PTPRD: variants seen among roughly 807,000 people sequenced by gnomAD.
PTPRD encodes the protein protein tyrosine phosphatase receptor type D, also known as receptor-type tyrosine-protein phosphatase delta.
PTPRD carries 34 observed loss-of-function variants against 214.5 expected under a neutral mutation model. The ratio of observed to expected loss-of-function variants is 0.16; its 90% CI spans 0.12 to 0.21. PTPRD has a LOEUF of 0.21. PTPRD is among the 10% of genes least tolerant of loss of function. The pLI, the probability that PTPRD is intolerant of heterozygous loss-of-function variation, is 1.00. For synonymous variants in PTPRD, 1,128 were observed against 845.7 expected (o/e 1.33, Z -5.79); for missense variants, 2,545 against 2,398.7 (o/e 1.06, Z -1.27).
At chr9:9,300,766 A>G (rs2134720856) in intron 9 of PTPRD, among the ~76,000 whole-genome samples, 1 of 151,964 alleles carries the variant, frequency 6.6e-6, no homozygotes, top group East Asian at 1.9e-4. Context: ...GAACTGTGAA[A>G]AATAAATTTC....
At chr9:9,457,187 T>G (rs2093130037) in intron 8 of PTPRD, among the ~76,000 whole-genome samples, 1 of 151,950 alleles carries the variant, frequency 6.6e-6, no homozygotes, top group Non-Finnish European at 1.5e-5. Flanking sequence ...ACTTATTTAC[T>G]CTGTTACCCT....
intron 3 of PTPRD, among the ~76,000 whole-genome samples, chr9:10,222,761 T>C (rs2154350258): frequency 6.6e-6 from 1 of 152,172 alleles, no homozygotes; most frequent in South Asian, 2.1e-4. Flanking sequence ...TGTTCTTCAG[T>C]ATATGAAAAT....
chr9:9,001,447 G>A (rs1371646953), intron 11 of PTPRD, among the ~76,000 whole-genome samples: 1 of 152,034 alleles, frequency 6.6e-6, no homozygotes, highest in Non-Finnish European at 1.5e-5. Context: ...ACATAGCTCA[G>A]TTTTGCACAA....
intron 36 of PTPRD, among the ~76,000 whole-genome samples, chr9:8,401,272 C>G (rs373702136): frequency 1.8e-4 from 28 of 152,030 alleles, no homozygotes; most frequent in African/African-American, 6.3e-4. Flanking sequence ...TCAAGCAACC[C>G]TCCCACCTCA....
chr9:9,141,282 C>T (rs539145278), intron 10 of PTPRD, among the ~76,000 whole-genome samples: 1 of 150,138 alleles, frequency 6.7e-6, no homozygotes, highest in African/African-American at 2.5e-5. Flanking sequence ...TGAGGCACTA[C>T]AGACCCTAGG....
rs1350831422 is a variant in PTPRD at position 8,511,012 on chromosome 9, A to C, written c.1544-3578T>G. On this transcript the variant is annotated intron_variant, in intron 21 of 45. Transcript: ENST00000381196. Reference sequence around the variant, plus strand: ...ACATTTCTATTAATGTTTTCTCTCTATATATGTATTTATACATATAAATGT... The same window carrying C: ...ACATTTCTATTAATGTTTTCTCTCTCTATATGTATTTATACATATAAATGT... Among the ~76,000 whole-genome samples, 3 of 152,124 alleles carry C rather than the reference A, an allele frequency of 2.0e-5. 1 individual carries two copies. The East Asian group carries it at 5.8e-4, about 29-fold the overall frequency.
intron 5 of PTPRD, among the ~76,000 whole-genome samples, chr9:9,846,618 A>G (rs1185279724): frequency 6.6e-6 from 1 of 152,174 alleles, no homozygotes; most frequent in Non-Finnish European, 1.5e-5. Context: ...TAGGTGGACT[A>G]TGTCAAGGAG....
chr9:9,511,293 T>C (rs1277339716), intron 8 of PTPRD, among the ~76,000 whole-genome samples: 1 of 151,736 alleles, frequency 6.6e-6, no homozygotes, highest in Non-Finnish European at 1.5e-5. Flanking sequence ...ATTGACAAAT[T>C]GGTAACATGC....
At chr9:9,579,388 G>A (rs140307195) in intron 7 of PTPRD, among the ~76,000 whole-genome samples, 1 of 152,206 alleles carries the variant, frequency 6.6e-6, no homozygotes, top group African/African-American at 2.4e-5. Flanking sequence ...TATATCCAAG[G>A]ACAGAGAGCT....
chr9:9,939,005 C>CGAAAA (rs2090548458), intron 4 of PTPRD, among the ~76,000 whole-genome samples: 1 of 126,016 alleles, frequency 7.9e-6, no homozygotes, highest in African/African-American at 3.6e-5. Flanking sequence ...AATTCATTTT[C>CGAAAA]TGAATTCCTT....
intron 2 of PTPRD, among the ~76,000 whole-genome samples, chr9:10,380,360 T>C (rs896034649): frequency 6.6e-6 from 1 of 152,080 alleles, no homozygotes; most frequent in Non-Finnish European, 1.5e-5. Context: ...AATACAAATC[T>C]TAAGAATAAA....
intron 9 of PTPRD, among the ~76,000 whole-genome samples, chr9:9,344,091 T>C (rs2047879294): frequency 6.6e-6 from 1 of 152,158 alleles, no homozygotes; most frequent in African/African-American, 2.4e-5. Context: ...ATACATTAAC[T>C]CCAAAGATTA....
intron 5 of PTPRD, among the ~76,000 whole-genome samples, chr9:9,923,123 G>GTGTGT (rs1555340190): frequency 0.042 from 6,034 of 144,904 alleles, 147 homozygotes; most frequent in Middle Eastern, 0.065. Context: ...GTGTGTGGGG[G>GTGTGT]GTGTGTGTGT....
intron 11 of PTPRD, among the ~76,000 whole-genome samples, chr9:8,839,358 C>T (rs1449497583): frequency 1.3e-5 from 2 of 151,862 alleles, no homozygotes; most frequent in Non-Finnish European, 2.9e-5. Context: ...TGGAGTCTCG[C>T]TCTGTCACCC....
chr9:10,491,776 C>T (rs1209604368), intron 2 of PTPRD, among the ~76,000 whole-genome samples: 1 of 151,332 alleles, frequency 6.6e-6, no homozygotes, highest in Admixed American at 6.6e-5. Context: ...AGGTTTGTTA[C>T]ATAGGTATAC....
chr9:8,455,360 C>A (rs538336165), intron 33 of PTPRD, among the ~76,000 whole-genome samples: 2 of 152,166 alleles, frequency 1.3e-5, no homozygotes, highest in Non-Finnish European at 2.9e-5. Flanking sequence ...ACAACTAGTT[C>A]ATGCTTATAG....
chr9:9,874,374 C>T (rs1266007765), intron 5 of PTPRD, among the ~76,000 whole-genome samples: 1 of 152,104 alleles, frequency 6.6e-6, no homozygotes, highest in African/African-American at 2.4e-5. Context: ...AACTACATTA[C>T]ATGAGTGATG....
At chr9:9,783,249 A>T (rs558710729) in intron 5 of PTPRD, among the ~76,000 whole-genome samples, 21 of 152,272 alleles carry the variant, frequency 1.4e-4, no homozygotes, top group African/African-American at 4.8e-4. Flanking sequence ...GTGCATTTGT[A>T]TATTTTTTTA....
chr9:8,524,567 G>C (rs1326462919), intron 18 of PTPRD, among the ~76,000 whole-genome samples: 1 of 151,864 alleles, frequency 6.6e-6, no homozygotes, highest in East Asian at 1.9e-4. Flanking sequence ...ATTATTTCAG[G>C]GGTTTAATAA....
Sources: gnomAD v4.1 joint callset for allele counts (sites outside exome capture counted in the v4.1 genomes callset) on GRCh38, gnomAD v4.1.1 for gene constraint, MANE v1.5 for transcripts, NCBI Gene and HGNC (gene_info 2026-07-23, HGNC 2026-07-21) for gene names.